Variants in MON2 observed in about 807,000 individuals in gnomAD.
MON2 encodes MON2 regulator of endosome-to-Golgi trafficking.
A neutral mutation model predicts 208.6 loss-of-function variants in MON2; 84 were observed. That is an observed-to-expected ratio of 0.40 (90% CI 0.34 to 0.48). The LOEUF (loss-of-function observed/expected upper bound fraction) is 0.48, where lower values mean the gene tolerates loss of function less well. Ranked by LOEUF, MON2 falls within the 20% of genes least tolerant of loss-of-function variation. MON2 has a pLI of 0.59. For missense variants in MON2, 1,611 were observed against 2,015.4 expected (o/e 0.80, Z 3.84); for synonymous variants, 660 against 694.0 (o/e 0.95, Z 0.77).
intron 33 of MON2, among the ~76,000 whole-genome samples, chr12:62,587,179 TTCA>T (rs2075245531): frequency 6.6e-6 from 1 of 152,210 alleles, no homozygotes; most frequent in African/African-American, 2.4e-5. Flanking sequence ...AAGTTCATTC[TTCA>T]TTGCTAATGT....
At chr12:62,547,216 G>A (rs186459178) in intron 22 of MON2, 144 bp downstream of exon 22, 48 of 520,258 alleles carry the variant, frequency 9.2e-5, no homozygotes, top group African/African-American at 6.0e-4. Context: ...TCATGTATGC[G>A]CTTCCTGCTT....
chr12:62,508,555 G>A (rs1475598349), intron 8 of MON2, 75 bp downstream of exon 8: 4 of 1,375,396 alleles, frequency 2.9e-6, no homozygotes, highest in Non-Finnish European at 4.1e-6. Flanking sequence ...GTCTGTTGTA[G>A]CGCATTTAGT....
At chr12:62,579,730 T>TA (rs1334955322) in intron 31 of MON2, among the ~76,000 whole-genome samples, 1 of 151,912 alleles carries the variant, frequency 6.6e-6, no homozygotes, top group African/African-American at 2.4e-5. Flanking sequence ...CATTTCAAAA[T>TA]AAATAAATAA....
intron 1 of MON2, among the ~76,000 whole-genome samples, chr12:62,479,137 A>G (rs1480164827): frequency 6.6e-6 from 1 of 152,152 alleles, no homozygotes. Flanking sequence ...AGTATAGGAG[A>G]CAGATCAGGA....
At chr12:62,472,159 AG>A (rs2068820066) in intron 1 of MON2, among the ~76,000 whole-genome samples, 1 of 152,226 alleles carries the variant, frequency 6.6e-6, no homozygotes, top group South Asian at 2.1e-4. Context: ...AAAGAAGGAA[AG>A]CCAATAGTTT....
At chr12:62,549,456 C>CAAAAAAAAA (rs5798647) in intron 22 of MON2, among the ~76,000 whole-genome samples, 1 of 98,520 alleles carries the variant, frequency 1.0e-5, no homozygotes, top group Non-Finnish European at 2.2e-5. Context: ...CCTGTCTCCA[C>CAAAAAAAAA]AAAAAAAAAA....
Position 62,557,943 on chromosome 12 carries a change from TATATATATATATATATATA to T in MON2, c.3409+1752_3409+1770del, listed in dbSNP as rs368117275. Among the ~76,000 whole-genome samples, 192 of 38,112 alleles carry T rather than the reference TATATATATATATATATATA, an allele frequency of 5.0e-3. 1 individual carries two copies. Among genetic ancestry groups the T allele is most frequent in the South Asian group, 8.0e-3 (7 of 870 alleles). 25.0% of individuals were successfully genotyped at this position (38,112 alleles called of 152,430 possible). A position where few individuals can be genotyped will look rare whatever the true frequency, so the allele number is the denominator to read the frequency against. ...ACGAATAGATTTATATATATATATA[TATATATATATATATATATA>T]TTTTTTTTTTTTTTTTTTTTTTTTT... On this transcript the variant is annotated intron_variant, in intron 25 of 34. Transcript: ENST00000393630.
intron 30 of MON2, among the ~76,000 whole-genome samples, chr12:62,575,988 A>G (rs1383592810): frequency 6.6e-6 from 1 of 152,208 alleles, no homozygotes; most frequent in African/African-American, 2.4e-5. Flanking sequence ...AAACTTGTAC[A>G]CTAATGTTCA....
At chr12:62,484,915 C>CTTTTTTTTTTTTTTTTTT (rs71084000) in intron 2 of MON2, 1 of 132,550 alleles carries the variant, frequency 7.5e-6, no homozygotes, top group Non-Finnish European at 1.6e-5. Context: ...GGTAAACTGG[C>CTTTTTTTTTTTTTTTTTT]TTTTTTTTTT....
intron 26 of MON2, among the ~76,000 whole-genome samples, chr12:62,563,097 G>A (rs138469212): frequency 5.3e-5 from 8 of 152,142 alleles, no homozygotes; most frequent in East Asian, 1.9e-4. Flanking sequence ...CGGGGCTGCC[G>A]GAGTTGCACT....
intron 13 of MON2, 45 bp from the exon 14 acceptor site, chr12:62,535,480 A>T: frequency 1.4e-6 from 2 of 1,385,910 alleles, no homozygotes; most frequent in Non-Finnish European, 2.0e-6. Flanking sequence ...TTACAATGTA[A>T]TTAAAAATAA....
intron 30 of MON2, among the ~76,000 whole-genome samples, chr12:62,574,994 C>T (rs796428326): frequency 1.1e-4 from 16 of 152,126 alleles, no homozygotes; most frequent in African/African-American, 3.6e-4. Flanking sequence ...GATATGGTGG[C>T]ATGTGCCTGT....
Position 62,532,617 on chromosome 12 carries a change from C to A in MON2, c.1580C>A (p.Ser527Ter). ...GAAGAAGGTTCTTCACCAACACAGT[C>A]GACAGAACAGCAGGATTTACAGTCA... ...TTEEGSSPTQ[S>*]TEQQDLQSTS... Residue 527 changes from serine to a stop codon, truncating the protein, a stop_gained, in exon 12 of 35, where the codon TCG (serine) becomes TAG (stop). Coordinates refer to ENST00000393630, the MANE Select transcript of MON2 (RefSeq NM_015026.3). LOFTEE classifies it high-confidence loss of function. 1 of 1,613,930 alleles carries A rather than the reference C, an allele frequency of 6.2e-7. No homozygotes were observed. The highest frequency in any genetic ancestry group is 1.1e-5 in the South Asian group (1 of 91,056).
chr12:62,556,068 T>C lies in MON2; in HGVS notation c.3285T>C (p.Gly1095=), dbSNP rs1345838263. 1 of 1,613,748 alleles carries C rather than the reference T, an allele frequency of 6.2e-7. No individual in the cohort carries two copies. The highest frequency in any genetic ancestry group is 1.7e-5 in the Admixed American group (1 of 59,974). The stretch of plus-strand genomic sequence containing the variant: ...ACAAAGAAAAGATTGAGTCTGGAGG[T>C]GGCAATATTCTCATTCATCATTCAA... ...TADKEKIESG[G]GNILIHHSRD... Residue 1095 remains glycine, a synonymous_variant, in exon 25 of 35, where the codon GGT becomes GGC. Coordinates refer to ENST00000393630, the MANE Select transcript of MON2 (RefSeq NM_015026.3).
rs75850482 is a variant in MON2 at position 62,555,657 on chromosome 12, A to G, written c.3211-337A>G. Among the ~76,000 whole-genome samples, 481 of 152,234 alleles carry G rather than the reference A, an allele frequency of 3.2e-3. 1 individual carries two copies. Among genetic ancestry groups the G allele is most frequent in the Admixed American group, 5.5e-3 (84 of 15,286 alleles). On this transcript the variant is annotated intron_variant, in intron 24 of 34. Coordinates refer to ENST00000393630, the MANE Select transcript of MON2 (RefSeq NM_015026.3). ...AAACCCCATCTCTACTAAAAATACA[A>G]AAATTAGCTGGTGTGGTGGTGGACA...
rs959747443 is a variant in MON2 at position 62,519,773 on chromosome 12, G to A, written c.985-4742G>A. Among the ~76,000 whole-genome samples, 9 of 152,200 alleles carry A rather than the reference G, an allele frequency of 5.9e-5. No homozygotes were observed. In the South Asian group the frequency reaches 1.4e-3, roughly 24 times the overall value. Reference sequence around the variant, plus strand: ...TTAATGGCCTTTTTAGATAATAATGGTGGATATTCTTCTTTGATACTATAC... The same window carrying A: ...TTAATGGCCTTTTTAGATAATAATGATGGATATTCTTCTTTGATACTATAC... On this transcript the variant is annotated intron_variant, in intron 8 of 34. Transcript: ENST00000393630.
intron 13 of MON2, 101 bp downstream of exon 13, chr12:62,535,027 A>C (rs898190411): frequency 3.3e-5 from 28 of 858,462 alleles, no homozygotes; most frequent in Non-Finnish European, 5.2e-5. Flanking sequence ...TTCTAATATT[A>C]GTTTTTTATA....
At chr12:62,572,329 T>C (rs918193687) in intron 30 of MON2, among the ~76,000 whole-genome samples, 24 of 152,360 alleles carry the variant, frequency 1.6e-4, no homozygotes, top group African/African-American at 5.3e-4. Context: ...GAAAGTTGTG[T>C]TGGGCAGGAC....
chr12:62,537,329 G>C, intron 15 of MON2, 66 bp downstream of exon 15: 2 of 1,134,818 alleles, frequency 1.8e-6, no homozygotes, highest in Non-Finnish European at 2.6e-6. Flanking sequence ...ACCTATCTTT[G>C]TGTTTGCCAA....
Sources: gnomAD v4.1 joint callset for allele counts (sites outside exome capture counted in the v4.1 genomes callset) on GRCh38, gnomAD v4.1.1 for gene constraint, MANE v1.5 for transcripts, NCBI Gene and HGNC (gene_info 2026-07-23, HGNC 2026-07-21) for gene names.